Variants in DAZAP1 observed in about 807,000 individuals in gnomAD.
DAZAP1 encodes the protein DAZ associated protein 1.
In DAZAP1, 6 loss-of-function variants were observed where a neutral mutation model predicts 60.1. The ratio of observed to expected loss-of-function variants is 0.10; its 90% confidence interval spans 0.05 to 0.20. The LOEUF (loss-of-function observed/expected upper bound fraction) is 0.20, where lower values mean the gene tolerates loss of function less well. Among genes scored for constraint, DAZAP1 ranks in the 10% least tolerant of loss-of-function variants. The pLI, the probability that DAZAP1 is intolerant of heterozygous loss-of-function variation, is 1.00. For synonymous variants in DAZAP1, 235 were observed against 215.9 expected (o/e 1.09, Z -0.78); for missense variants, 366 against 560.4 (o/e 0.65, Z 3.50).
intron 1 of DAZAP1, among the ~76,000 whole-genome samples, chr19:1,414,402 G>A (rs2082914747): frequency 6.6e-6 from 1 of 152,154 alleles, no homozygotes; most frequent in Admixed American, 6.5e-5. Flanking sequence ...GATATCTATT[G>A]TTTCCCAAGA....
At chr19:1,417,127 C>A in intron 1 of DAZAP1, 1 of 225,700 alleles carries the variant, frequency 4.4e-6, no homozygotes, top group Non-Finnish European at 8.5e-6. Flanking sequence ...CATTCTTTTT[C>A]CTGATTATAA....
rs2083002934 is a variant in DAZAP1, at chr19:1,416,952, T to C, written c.30-548T>C. 6.2e-6 allele frequency: 1 copy of C among 160,342 alleles called. No individual in the cohort carries two copies. The highest frequency in any genetic ancestry group is 1.4e-5 in the Non-Finnish European group (1 of 73,450). The allele number at this position is 160,342 out of a possible 1,614,324, so 9.9% of individuals were successfully genotyped here. On this transcript the variant is annotated intron_variant, in intron 1 of 11. Transcript: ENST00000233078. The surrounding 1 kb of genome is among the most constrained non-coding windows in gnomAD (Gnocchi z 4.3). ...GTGGGGCCAGTGCTGAGACTGGAGCTTCAGGGCCTTCACCTTCATCTGTGG... is the reference window on the plus strand; with the variant it reads ...GTGGGGCCAGTGCTGAGACTGGAGCCTCAGGGCCTTCACCTTCATCTGTGG...
At position 1,407,670 on chromosome 19, in the gene DAZAP1, G is replaced by T; in HGVS notation, c.-104G>T. 1 of 685,778 alleles carries T rather than the reference G, an allele frequency of 1.5e-6. No individual in the cohort carries two copies. The highest frequency in any genetic ancestry group is 1.8e-6 in the Non-Finnish European group (1 of 566,572). The allele number at this position is 685,778 out of a possible 1,614,324, so 42.5% of individuals were successfully genotyped here. On this transcript the variant is annotated 5_prime_UTR_variant, in exon 1 of 12. Transcript: ENST00000233078. ...CCGCCGCCGCCGCCGCCGTTGCGCA[G>T]ATCCGGGCCGCGGCTGTGGGGAGGG...
At chr19:1,417,212 C>T (rs925273392) in intron 1 of DAZAP1, 14 of 490,944 alleles carry the variant, frequency 2.9e-5, no homozygotes, top group Non-Finnish European at 4.4e-5. Flanking sequence ...GGTGCCGTCA[C>T]CACTGGCCTG....
chr19:1,413,125 C>T (rs925754139), intron 1 of DAZAP1, among the ~76,000 whole-genome samples: 19 of 152,356 alleles, frequency 1.2e-4, no homozygotes, highest in African/African-American at 3.8e-4. Flanking sequence ...GCCCCGTTAA[C>T]GTCCTCAGTC....
chr19:1,419,974 ACGG>A (rs1197317222), intron 4 of DAZAP1, among the ~76,000 whole-genome samples: 3 of 114,504 alleles, frequency 2.6e-5, no homozygotes, highest in African/African-American at 1.1e-4. Flanking sequence ...CCCTACAGTC[ACGG>A]CGGCGAGCAC....
intron 7 of DAZAP1, chr19:1,427,578 ATTT>A (rs1037088679): frequency 6.6e-6 from 1 of 151,972 alleles, no homozygotes; most frequent in African/African-American, 2.4e-5. Flanking sequence ...GGGTGAAAGA[ATTT>A]TTTTTTGTTT....
At chr19:1,424,120 AT>A (rs1258175061) in intron 6 of DAZAP1, among the ~76,000 whole-genome samples, 6 of 149,922 alleles carry the variant, frequency 4.0e-5, no homozygotes, top group Admixed American at 6.6e-5. Flanking sequence ...ACTGAAGGTC[AT>A]GGCCATGTCC....
rs1433474552 is a variant in DAZAP1 at position 1,433,906 on chromosome 19, G to C, written c.1049-831G>C. The C allele has an allele frequency of 1.5e-6, 2 of 1,354,798 alleles. No homozygotes were observed. Among genetic ancestry groups the C allele is most frequent in the African/African-American group, 2.9e-5 (2 of 69,696 alleles). 83.9% of individuals were successfully genotyped at this position (1,354,798 alleles called of 1,614,324 possible). A position where few individuals can be genotyped will look rare whatever the true frequency, so the allele number is the denominator to read the frequency against. ...GACGTGGCTTCCTCTGCCGTCCCGG[G>C]CGGGGGTGGACGCTGGCGGTGCCCT... is the stretch of plus-strand genomic sequence containing the variant. On this transcript the variant is annotated intron_variant, in intron 11 of 11. Coordinates refer to ENST00000233078, the MANE Select transcript of DAZAP1 (RefSeq NM_018959.4). The surrounding 1 kb of genome is among the most constrained non-coding windows in gnomAD (Gnocchi z 6.1).
intron 1 of DAZAP1, among the ~76,000 whole-genome samples, chr19:1,409,533 C>A (rs1005197986): frequency 6.6e-6 from 1 of 152,242 alleles, no homozygotes; most frequent in Non-Finnish European, 1.5e-5. Flanking sequence ...AGTGCATGGA[C>A]CCTGCTCTCC....
Position 1,425,792 on chromosome 19 carries a change from C to A in DAZAP1, c.464-86C>A. The A allele has an allele frequency of 4.1e-6, 4 of 976,500 alleles. No individual in the cohort carries two copies. The East Asian group carries it at 7.2e-5, about 18-fold the overall frequency. The allele number at this position is 976,500 out of a possible 1,614,324, so 60.5% of individuals were successfully genotyped here. On this transcript the variant is annotated intron_variant, in intron 6 of 11. Transcript: ENST00000233078. The surrounding 1 kb of genome is among the most constrained non-coding windows in gnomAD (Gnocchi z 5.4). ...AGCTTAGCTGAAACCCAAGGTCGATCCCTCGGCCCGTCCCTAATACTGTTC... is the reference window on the plus strand; with the variant it reads ...AGCTTAGCTGAAACCCAAGGTCGATACCTCGGCCCGTCCCTAATACTGTTC...
rs1010953719 is a variant in DAZAP1 at position 1,432,752 on chromosome 19, T to G, written c.1048+62T>G. Reference sequence around the variant, plus strand: ...CCCAGGACCCTGGGCACGGCCTGCCTTCTTCTGCTTCCTCCCCTGCTGGAC... The same window carrying G: ...CCCAGGACCCTGGGCACGGCCTGCCGTCTTCTGCTTCCTCCCCTGCTGGAC... On this transcript the variant is annotated intron_variant, in intron 11 of 11. Coordinates refer to ENST00000233078, the MANE Select transcript of DAZAP1 (RefSeq NM_018959.4). The surrounding 1 kb of genome is among the most constrained non-coding windows in gnomAD (Gnocchi z 4.9). 1.6e-5 allele frequency: 24 copies of G among 1,500,880 alleles called. No individual in the cohort carries two copies. In the Admixed American group the frequency reaches 3.3e-4, roughly 21 times the overall value. The allele number at this position is 1,500,880 out of a possible 1,614,324, so 93.0% of individuals were successfully genotyped here. A position where few individuals can be genotyped will look rare whatever the true frequency, so the allele number is the denominator to read the frequency against.
Position 1,434,978 on chromosome 19 carries a change from CACAAACTTGGCG to C in DAZAP1, c.*67_*78del. 4.5e-6 allele frequency: 5 copies of C among 1,121,570 alleles called. No individual in the cohort carries two copies. Among genetic ancestry groups the C allele is most frequent in the Non-Finnish European group, 4.4e-6 (4 of 907,092 alleles). The allele number at this position is 1,121,570 out of a possible 1,614,324, so 69.5% of individuals were successfully genotyped here. ...TCCAAACTTGTGAACTCGTGACAAT[CACAAACTTGGCG>C]GCAAAGTGGCGACTCAACCTTGGGG... On this transcript the variant is annotated 3_prime_UTR_variant, in exon 12 of 12. Transcript: ENST00000233078. The surrounding 1 kb of genome is among the most constrained non-coding windows in gnomAD (Gnocchi z 8.0).
intron 10 of DAZAP1, among the ~76,000 whole-genome samples, chr19:1,430,694 TTTG>T (rs1278826342): frequency 6.6e-6 from 1 of 152,096 alleles, no homozygotes; most frequent in Non-Finnish European, 1.5e-5. Context: ...TAGGGGGGCA[TTTG>T]TTTAAGGGTG....
At chr19:1,430,428 G>T in intron 10 of DAZAP1, 66 bp downstream of exon 10, 1 of 1,396,910 alleles carries the variant, frequency 7.2e-7, no homozygotes, top group Non-Finnish European at 9.5e-7. Context: ...GGTGGGCGGG[G>T]TGATGGGGAG....
rs1413522907 is a variant in DAZAP1, at chr19:1,425,017, T to C, written c.464-861T>C. On this transcript the variant is annotated intron_variant, in intron 6 of 11. Transcript: ENST00000233078. This position sits in a 1 kb window ranked among gnomAD's most constrained non-coding sequence, Gnocchi z 5.4. Reference sequence around the variant, plus strand: ...TAAACTTCGTTTATACTGCCACTCTTGTGTTTGGGAAATGCTAAATTTTTT... The same window carrying C: ...TAAACTTCGTTTATACTGCCACTCTCGTGTTTGGGAAATGCTAAATTTTTT... 1.3e-5 allele frequency among the ~76,000 whole-genome samples: 2 copies of C among 152,224 alleles called. No homozygotes were observed. The highest frequency in any genetic ancestry group is 2.4e-5 in the African/African-American group (1 of 41,468).
intron 1 of DAZAP1, among the ~76,000 whole-genome samples, 188 bp downstream of exon 1, chr19:1,407,990 G>T (rs2082713273): frequency 6.6e-6 from 1 of 151,780 alleles, no homozygotes; most frequent in African/African-American, 2.4e-5. Flanking sequence ...GGTCTGGGGG[G>T]GTCCTGGCGC....
At position 1,426,270 on chromosome 19, in the gene DAZAP1, C is replaced by T. The variant is rs962947414; in HGVS notation, c.546+310C>T. 3.5e-5 allele frequency: 13 copies of T among 375,340 alleles called. No individual in the cohort carries two copies. Among genetic ancestry groups the T allele is most frequent in the East Asian group, 1.8e-4 (3 of 16,780 alleles). 23.3% of individuals were successfully genotyped at this position (375,340 alleles called of 1,614,324 possible). A position where few individuals can be genotyped will look rare whatever the true frequency, so the allele number is the denominator to read the frequency against. On this transcript the variant is annotated intron_variant, in intron 7 of 11. Transcript: ENST00000233078. The surrounding 1 kb of genome is among the most constrained non-coding windows in gnomAD (Gnocchi z 5.4). ...GTGTTGGGGCTGGCTCCAGTGAAACCGCAGCGTTGCCTCAGGCTTGGTTTC... is the reference window on the plus strand; with the variant it reads ...GTGTTGGGGCTGGCTCCAGTGAAACTGCAGCGTTGCCTCAGGCTTGGTTTC...
rs531957505 is a variant in DAZAP1, at chr19:1,432,860, C to A, written c.1048+170C>A. On this transcript the variant is annotated intron_variant, in intron 11 of 11. Transcript: ENST00000233078. The surrounding 1 kb of genome is among the most constrained non-coding windows in gnomAD (Gnocchi z 4.9). ...TTGTTGGAGAGATCTCGTGGCAACT[C>A]GGGTCCAGCAGAAGGGAGCGTGGGA... 1 of 704,456 alleles carries A rather than the reference C, an allele frequency of 1.4e-6. No individual in the cohort carries two copies. The highest frequency in any genetic ancestry group is 2.3e-6 in the Non-Finnish European group (1 of 432,480). 43.6% of individuals were successfully genotyped at this position (704,456 alleles called of 1,614,324 possible).
Sources: allele counts gnomAD v4.1 joint callset (sites outside exome capture counted in the v4.1 genomes callset), GRCh38; gene constraint gnomAD v4.1.1; non-coding constraint Gnocchi (gnomAD v3.1); transcripts MANE v1.5; gene names NCBI Gene and HGNC (gene_info 2026-07-23, HGNC 2026-07-21).